Variants in BPGM observed in about 807,000 individuals in gnomAD.
BPGM encodes 2,3-bisphosphoglycerate mutase, erythrocyte.
In BPGM, 15 loss-of-function variants were observed where a neutral mutation model predicts 21.6. The observed-to-expected ratio is 0.70, with a 90% confidence interval of 0.47 to 1.07. The LOEUF is 1.07. BPGM is among the 50% of genes least tolerant of loss of function. BPGM has a pLI of 0.00. For missense variants in BPGM, 273 were observed against 319.0 expected (o/e 0.86, Z 1.10); for synonymous variants, 113 against 116.2 (o/e 0.97, Z 0.18).
At chr7:134,662,291 C>T (rs1242310010) in intron 2 of BPGM, among the ~76,000 whole-genome samples, 183 bp downstream of exon 2, 1 of 152,184 alleles carries the variant, frequency 6.6e-6, no homozygotes, top group Non-Finnish European at 1.5e-5. Flanking sequence ...GTTCCTGTTA[C>T]CCGAAGCAGC....
At chr7:134,675,667 T>C (rs911964921) in intron 2 of BPGM, among the ~76,000 whole-genome samples, 1 of 152,144 alleles carries the variant, frequency 6.6e-6, no homozygotes, top group African/African-American at 2.4e-5. Flanking sequence ...ATGAGTCCCT[T>C]GGTTTATTTC....
intron 1 of BPGM, among the ~76,000 whole-genome samples, chr7:134,652,998 G>A (rs898922690): frequency 6.6e-6 from 1 of 152,088 alleles, no homozygotes; most frequent in Admixed American, 6.5e-5. Context: ...ACCCAGTGGC[G>A]GGCTTGCTGG....
intron 1 of BPGM, among the ~76,000 whole-genome samples, chr7:134,655,261 T>G (rs1181105588): frequency 6.6e-6 from 1 of 152,224 alleles, no homozygotes; most frequent in Non-Finnish European, 1.5e-5. Flanking sequence ...GGGTGACTAT[T>G]GCCTGGCTTA....
intron 1 of BPGM, among the ~76,000 whole-genome samples, chr7:134,655,221 A>G (rs986087173): frequency 3.3e-5 from 5 of 152,208 alleles, no homozygotes; most frequent in African/African-American, 9.6e-5. Context: ...GGGAGTATTT[A>G]TTCTTAGTAA....
Position 134,679,238 on chromosome 7 carries a change from T to C in BPGM, c.*207T>C. ...GTCATAGCCTTATGAGTTAGCTTTC[T>C]TGCTAGCCCCCTAGTCGGTCACCAA... On this transcript the variant is annotated 3_prime_UTR_variant, in exon 3 of 3. Coordinates refer to ENST00000344924, the MANE Select transcript of BPGM (RefSeq NM_001724.5). 5.1e-6 allele frequency: 3 copies of C among 593,466 alleles called. No individual in the cohort carries two copies. In the South Asian group the frequency reaches 6.4e-5, roughly 13 times the overall value. 36.8% of individuals were successfully genotyped at this position (593,466 alleles called of 1,614,324 possible).
chr7:134,661,555 G>T lies in BPGM; in HGVS notation c.48G>T (p.Trp16Cys). 6.2e-7 allele frequency: 1 copy of T among 1,614,168 alleles called. No individual in the cohort carries two copies. The highest frequency in any genetic ancestry group is 1.1e-5 in the South Asian group (1 of 91,076). The change falls in exon 2 of 3, where the codon TGG (tryptophan) becomes TGT (cysteine). Residue 16 changes from tryptophan (W) to cysteine (C), a missense_variant. Physicochemically the swap from Trp to Cys is radical, Grantham distance 215 (BLOSUM62 -2). Transcript: ENST00000344924. This position sits in a 1 kb window ranked among gnomAD's most constrained non-coding sequence, Gnocchi z 4.6. ...TGTTAAGACATGGAGAGGGTGCTTG[G>T]AATAAGGAGAACCGTTTTTGTAGCT... The part of the protein sequence containing the change: ...LIMLRHGEGA[W>C]NKENRFCSWV...
chr7:134,660,332 T>G lies in BPGM; in HGVS notation c.-61-1115T>G, dbSNP rs569593000. The G allele has an allele frequency of 5.9e-5, 9 of 152,344 alleles. 1 individual carries two copies. The South Asian group carries it at 1.9e-3, about 32-fold the overall frequency. The allele number at this position is 152,344 out of a possible 1,614,324, so 9.4% of individuals were successfully genotyped here. A position where few individuals can be genotyped will look rare whatever the true frequency, so the allele number is the denominator to read the frequency against. On this transcript the variant is annotated intron_variant, in intron 1 of 2. Coordinates refer to ENST00000344924, the MANE Select transcript of BPGM (RefSeq NM_001724.5). ...AGACCAGGCTGTAGTGCTCGTATAA[T>G]CTTTACAACCCAGTGTGCAAAACAC...
rs986868786 is a variant in BPGM at position 134,646,894 on chromosome 7, A to AGCG, written c.-102_-100dup. 28 of 186,298 alleles carry AGCG rather than the reference A, an allele frequency of 1.5e-4. No individual in the cohort carries two copies. The highest frequency in any genetic ancestry group is 2.3e-4 in the Non-Finnish European group (20 of 87,592). The allele number at this position is 186,298 out of a possible 1,614,324, so 11.5% of individuals were successfully genotyped here. A position where few individuals can be genotyped will look rare whatever the true frequency, so the allele number is the denominator to read the frequency against. On this transcript the variant is annotated 5_prime_UTR_variant, in exon 1 of 3. Coordinates refer to ENST00000344924, the MANE Select transcript of BPGM (RefSeq NM_001724.5). ...CGCTGGCTCTTTGGCGGCTCGGAGG[A>AGCG]GCGGCTGCTGCTGCTGCTGCTGCTG...
intron 2 of BPGM, among the ~76,000 whole-genome samples, chr7:134,670,199 C>T (rs900308528): frequency 2.6e-5 from 4 of 152,172 alleles, no homozygotes; most frequent in Admixed American, 1.3e-4. Context: ...GACACTCATG[C>T]AAGACAGACT....
intron 2 of BPGM, among the ~76,000 whole-genome samples, chr7:134,668,837 A>G (rs1045509792): frequency 7.2e-5 from 11 of 152,182 alleles, no homozygotes; most frequent in Non-Finnish European, 1.6e-4. Flanking sequence ...AAAGCTGTGT[A>G]TTGTATGATT....
At chr7:134,660,264 G>T (rs1469037512) in intron 1 of BPGM, among the ~76,000 whole-genome samples, 1 of 152,180 alleles carries the variant, frequency 6.6e-6, no homozygotes, top group African/African-American at 2.4e-5. Flanking sequence ...GTTTAAGTGG[G>T]AGAGAAAATC....
At chr7:134,647,867 G>A (rs1795485731) in intron 1 of BPGM, among the ~76,000 whole-genome samples, 1 of 152,070 alleles carries the variant, frequency 6.6e-6, no homozygotes, top group Admixed American at 6.5e-5. Context: ...GCTCGATCTC[G>A]GTTCACTGCA....
intron 1 of BPGM, among the ~76,000 whole-genome samples, chr7:134,653,869 A>T (rs920241880): frequency 1.3e-5 from 2 of 152,150 alleles, no homozygotes; most frequent in Non-Finnish European, 2.9e-5. Flanking sequence ...ATCAGGATGT[A>T]TGGTTACTCT....
intron 1 of BPGM, among the ~76,000 whole-genome samples, chr7:134,654,072 C>G (rs1795597880): frequency 6.6e-6 from 1 of 152,084 alleles, no homozygotes; most frequent in Non-Finnish European, 1.5e-5. Context: ...CCCATCCCAC[C>G]TCTCTTTTAC....
Position 134,661,639 on chromosome 7 carries a change from A to G in BPGM, c.132A>G (p.Gln44=), listed in dbSNP as rs537345443. 3 of 1,614,116 alleles carry G rather than the reference A, an allele frequency of 1.9e-6. No homozygotes were observed. The highest frequency in any genetic ancestry group is 1.7e-5 in the Admixed American group (1 of 59,992). The change falls in exon 2 of 3, where the codon CAA becomes CAG. Residue 44 remains glutamine, a synonymous_variant. Coordinates refer to ENST00000344924, the MANE Select transcript of BPGM (RefSeq NM_001724.5). This position sits in a 1 kb window ranked among gnomAD's most constrained non-coding sequence, Gnocchi z 4.6. ...GMEEARNCGK[Q]LKALNFEFDL... ...AGGAAGCTCGGAACTGTGGGAAGCA[A>G]CTCAAAGCGTTAAACTTTGAGTTTG...
chr7:134,675,300 A>G (rs1227983712), intron 2 of BPGM, among the ~76,000 whole-genome samples: 1 of 152,072 alleles, frequency 6.6e-6, no homozygotes, highest in Non-Finnish European at 1.5e-5. Context: ...TTTTGGTGTC[A>G]TATCTGAGAA....
At position 134,678,827 on chromosome 7, in the gene BPGM, T is replaced by C. The variant is rs781472530; in HGVS notation, c.602-26T>C. ...TCCTCCTGAGTTGTGTTTTAACACC[T>C]GGTCTCTTCCTGTCCTGATCAACAG... On this transcript the variant is annotated intron_variant, in intron 2 of 2. Coordinates refer to ENST00000344924, the MANE Select transcript of BPGM (RefSeq NM_001724.5). The C allele has an allele frequency of 6.9e-6, 11 of 1,604,556 alleles. No individual in the cohort carries two copies. The South Asian group carries it at 1.2e-4, about 18-fold the overall frequency.
chr7:134,659,552 C>G (rs763546323), intron 1 of BPGM, among the ~76,000 whole-genome samples: 8 of 152,166 alleles, frequency 5.3e-5, no homozygotes, highest in Non-Finnish European at 1.0e-4. Context: ...GTTCTGCCAC[C>G]CTGATGCCTC....
chr7:134,649,130 T>C (rs1795514990), intron 1 of BPGM, among the ~76,000 whole-genome samples: 1 of 152,172 alleles, frequency 6.6e-6, no homozygotes, highest in Non-Finnish European at 1.5e-5. Context: ...TTTCAAACAA[T>C]CCAATTGTAC....
Sources: gnomAD v4.1 joint callset for allele counts (sites outside exome capture counted in the v4.1 genomes callset) on GRCh38, gnomAD v4.1.1 for gene constraint, Gnocchi (gnomAD v3.1) non-coding constraint, MANE v1.5 for transcripts, NCBI Gene and HGNC (gene_info 2026-07-23, HGNC 2026-07-21) for gene names.